Variants in GGTA1 observed in about 807,000 individuals in gnomAD.
The protein encoded by GGTA1 is glycoprotein alpha-galactosyltransferase 1 (inactive).
Under a neutral mutation model 2.6 loss-of-function variants are expected in GGTA1, and 5 were observed. The observed-to-expected ratio is 1.92, with a 90% CI of 1.00 to 4.04. GGTA1 has a LOEUF of 4.04. Among genes scored for constraint, GGTA1 ranks in the 30% most tolerant of loss-of-function variants. The pLI is 0.00. For missense variants in GGTA1, 50 were observed against 16.7 expected (o/e 2.99, Z -3.47); for synonymous variants, 17 against 5.0 (o/e 3.38, Z -3.19).
At chr9:121,451,881 C>T (rs1171840763), downstream of GGTA1, 1 of 152,200 alleles carries the variant, frequency 6.6e-6, no homozygotes, top group East Asian at 1.9e-4. Context: ...TGACCCTGGG[C>T]TTGGTGGGTG....
chr9:121,492,251 G>A (rs1446912679), intron 1 of GGTA1, among the ~76,000 whole-genome samples: 1 of 151,522 alleles, frequency 6.6e-6, no homozygotes, highest in Non-Finnish European at 1.5e-5. Flanking sequence ...TGTGTTTAGA[G>A]TTTTTTTTTC....
At chr9:121,490,119 T>C (rs1462957548) in intron 1 of GGTA1, among the ~76,000 whole-genome samples, 22 of 152,312 alleles carry the variant, frequency 1.4e-4, no homozygotes, top group Non-Finnish European at 5.9e-5. Context: ...TTTTCTTGCG[T>C]TGGTTCTCTT....
rs776997820 is a variant in GGTA1, at chr9:121,461,254, A to G, written c.180T>C (p.Asn60=). The G allele has an allele frequency of 6.6e-6, 3 of 456,426 alleles. No individual in the cohort carries two copies. The highest frequency in any genetic ancestry group is 4.0e-5 in the African/African-American group (2 of 50,054). 28.3% of individuals were successfully genotyped at this position (456,426 alleles called of 1,614,324 possible). A position where few individuals can be genotyped will look rare whatever the true frequency, so the allele number is the denominator to read the frequency against. The change falls in exon 4 of 6, where the codon AAT becomes AAC. Residue 60 remains asparagine (N), a splice_region_variant and synonymous_variant. Transcript: ENST00000481799. ...KGWWFLSWFN[N]GIHNYQQGEE... The stretch of plus-strand genomic sequence containing the variant: ...CGACTGCTGTCTGATCGCCTTACCC[A>G]TTGTTAAACCAGCTCAGAAACCACC...
At chr9:121,499,001 T>A (rs1354108392) in intron 1 of GGTA1, among the ~76,000 whole-genome samples, 2 of 151,896 alleles carry the variant, frequency 1.3e-5, no homozygotes, top group African/African-American at 4.8e-5. Flanking sequence ...AGGAGCAAGG[T>A]TTGAAGAGTT....
chr9:121,462,409 G>A (rs1250062884), intron 3 of GGTA1, among the ~76,000 whole-genome samples: 1 of 152,158 alleles, frequency 6.6e-6, no homozygotes, highest in Non-Finnish European at 1.5e-5. Context: ...AAAGTCCGAT[G>A]GACAAATACG....
At chr9:121,471,238 C>T (rs1828382639) in intron 1 of GGTA1, among the ~76,000 whole-genome samples, 1 of 152,016 alleles carries the variant, frequency 6.6e-6, no homozygotes, top group Non-Finnish European at 1.5e-5. Context: ...CAGCTGAGTC[C>T]CCCTTCTCTT....
downstream of GGTA1, among the ~76,000 whole-genome samples, chr9:121,453,388 G>T (rs1472355866): frequency 6.6e-6 from 1 of 152,234 alleles, no homozygotes; most frequent in Admixed American, 6.5e-5. Flanking sequence ...CTATAACAAA[G>T]CACAAAACCC....
intron 1 of GGTA1, among the ~76,000 whole-genome samples, chr9:121,481,180 A>G (rs1021224745): frequency 8.6e-5 from 13 of 150,450 alleles, no homozygotes; most frequent in Non-Finnish European, 1.6e-4. Flanking sequence ...AAAAAAATTC[A>G]TAGCACACCC....
chr9:121,483,691 A>G (rs928023315), intron 1 of GGTA1, among the ~76,000 whole-genome samples: 1 of 152,096 alleles, frequency 6.6e-6, no homozygotes, highest in Non-Finnish European at 1.5e-5. Context: ...CATCTTCCAC[A>G]TCCTGAGTTG....
chr9:121,464,485 C>A (rs931013686), intron 2 of GGTA1, among the ~76,000 whole-genome samples: 3 of 152,062 alleles, frequency 2.0e-5, no homozygotes, highest in African/African-American at 7.2e-5. Flanking sequence ...CACCACCATG[C>A]CTGGCTAATT....
chr9:121,485,167 A>G (rs750815239), intron 1 of GGTA1, among the ~76,000 whole-genome samples: 3 of 152,214 alleles, frequency 2.0e-5, no homozygotes, highest in Non-Finnish European at 2.9e-5. Context: ...TTAAAAGAAT[A>G]CGAGTTCGAA....
At chr9:121,485,338 G>T (rs891862195) in intron 1 of GGTA1, among the ~76,000 whole-genome samples, 9 of 152,052 alleles carry the variant, frequency 5.9e-5, no homozygotes, top group African/African-American at 2.2e-4. Context: ...TCCCCCGAGA[G>T]TCCCCCACCC....
chr9:121,471,527 C>T (rs1354120635), intron 1 of GGTA1, among the ~76,000 whole-genome samples: 3 of 152,188 alleles, frequency 2.0e-5, no homozygotes, highest in East Asian at 1.9e-4. Context: ...ACTCAGATCT[C>T]ATATCTTACA....
intron 2 of GGTA1, among the ~76,000 whole-genome samples, chr9:121,463,596 C>T (rs1055859200): frequency 6.6e-6 from 1 of 152,044 alleles, no homozygotes; most frequent in African/African-American, 2.4e-5. Flanking sequence ...TGTCACGTTG[C>T]CCAGGCTGGT....
intron 1 of GGTA1, among the ~76,000 whole-genome samples, chr9:121,484,587 A>T (rs775389104): frequency 6.6e-6 from 1 of 152,156 alleles, no homozygotes; most frequent in Admixed American, 6.5e-5. Context: ...ACATTTTTCA[A>T]ATGTTCTACA....
At chr9:121,487,527 G>A (rs1828785887) in intron 1 of GGTA1, among the ~76,000 whole-genome samples, 1 of 134,044 alleles carries the variant, frequency 7.5e-6, no homozygotes, top group Non-Finnish European at 1.5e-5. Context: ...AGTGACCCGA[G>A]ATCGCGCCAC....
chr9:121,447,605 A>G (rs191302238), intron 7 of GGTA1: 5 of 152,684 alleles, frequency 3.3e-5, no homozygotes, highest in Admixed American at 6.5e-5. Flanking sequence ...TATCTGAAAC[A>G]AAGAAGAAAA....
At chr9:121,487,761 G>T (rs1828791967) in intron 1 of GGTA1, among the ~76,000 whole-genome samples, 2 of 151,980 alleles carry the variant, frequency 1.3e-5, no homozygotes, top group Non-Finnish European at 2.9e-5. Context: ...TGTCACCCAG[G>T]CTGGAGTGCA....
intron 1 of GGTA1, among the ~76,000 whole-genome samples, chr9:121,475,825 A>T (rs1309023940): frequency 6.6e-6 from 1 of 152,182 alleles, no homozygotes; most frequent in Non-Finnish European, 1.5e-5. Context: ...ACAAGACTCT[A>T]GTCTTAAGTC....
Sources: gnomAD v4.1 joint callset for allele counts (sites outside exome capture counted in the v4.1 genomes callset) on GRCh38, gnomAD v4.1.1 for gene constraint, MANE v1.5 for transcripts, NCBI Gene and HGNC (gene_info 2026-07-23, HGNC 2026-07-21) for gene names.